The following AK7 variants were observed in gnomAD, a reference collection of about 807,000 sequenced individuals.
AK7 encodes adenylate kinase 7.
Under a neutral mutation model 96.6 loss-of-function variants are expected in AK7, and 78 were observed. The ratio of observed to expected loss-of-function variants is 0.81; its 90% CI spans 0.67 to 0.97. The LOEUF (loss-of-function observed/expected upper bound fraction) is 0.97, where lower values mean the gene tolerates loss of function less well. Among genes scored for constraint, AK7 ranks in the 50% least tolerant of loss-of-function variants. AK7 has a pLI of 0.00. For synonymous variants in AK7, 302 were observed against 317.2 expected (o/e 0.95, Z 0.51); for missense variants, 855 against 887.9 (o/e 0.96, Z 0.47).
At chr14:96,481,404 T>G (rs1895494476) in intron 15 of AK7, among the ~76,000 whole-genome samples, 1 of 152,220 alleles carries the variant, frequency 6.6e-6, no homozygotes, top group South Asian at 2.1e-4. Flanking sequence ...TGAAGTGCAG[T>G]GGCGCAATCT....
At chr14:96,487,479 G>A (rs1895842321) in intron 17 of AK7, among the ~76,000 whole-genome samples, 2 of 144,932 alleles carry the variant, frequency 1.4e-5, no homozygotes, top group South Asian at 4.5e-4. Context: ...GTCCAGGCTG[G>A]AGTGCAGTGG....
chr14:96,415,328 A>G (rs943577699), intron 4 of AK7, among the ~76,000 whole-genome samples: 1 of 152,082 alleles, frequency 6.6e-6, no homozygotes, highest in African/African-American at 2.4e-5. Flanking sequence ...TTTGAAAAGA[A>G]AAGAAAAAAG....
At chr14:96,444,087 A>C (rs1365989241) in intron 7 of AK7, among the ~76,000 whole-genome samples, 3 of 151,956 alleles carry the variant, frequency 2.0e-5, no homozygotes, top group Non-Finnish European at 4.4e-5. Flanking sequence ...AAAACTCATA[A>C]TGTTTTAAGA....
rs1893483651 is a variant in AK7 at position 96,449,870 on chromosome 14, G to A, written c.939G>A (p.Lys313=). 2 of 1,603,552 alleles carry A rather than the reference G, an allele frequency of 1.2e-6. No homozygotes were observed. Among genetic ancestry groups the A allele is most frequent in the Non-Finnish European group, 1.7e-6 (2 of 1,174,698 alleles). Residue 313 remains lysine (K), a synonymous_variant, in exon 9 of 18, where the codon AAG becomes AAA. Coordinates refer to ENST00000267584, the MANE Select transcript of AK7 (RefSeq NM_152327.5). ...CCAGAGAAAATGCATACCTAACCAAGGACTTAACGGTTAGTATATGCGGTG... is the reference window on the plus strand; with the variant it reads ...CCAGAGAAAATGCATACCTAACCAAAGACTTAACGGTTAGTATATGCGGTG... ...KIPRENAYLT[K]DLTQDCLDHL... is the part of the protein sequence containing the mutation.
At chr14:96,393,116 G>A (rs1039354669) in intron 1 of AK7, among the ~76,000 whole-genome samples, 3 of 152,080 alleles carry the variant, frequency 2.0e-5, no homozygotes, top group African/African-American at 4.8e-5. Flanking sequence ...TTTATCCCTG[G>A]AAAATGAAGA....
At chr14:96,400,222 T>C (rs573524962) in intron 2 of AK7, among the ~76,000 whole-genome samples, 7 of 151,946 alleles carry the variant, frequency 4.6e-5, no homozygotes, top group Non-Finnish European at 7.4e-5. Context: ...GTATCTTTAG[T>C]GGATACATGG....
Position 96,392,186 on chromosome 14 carries a change from C to T in AK7, c.32C>T (p.Thr11Met). MAEEEETAAL[T>M]EKVIRTQRVF... ...GAAGAAGAGGAAACTGCTGCTCTCA[C>T]GGAGAAGGTTATCCGGACCCAGAGG... The change falls in exon 1 of 18, where the codon ACG becomes ATG. Residue 11 changes from threonine (T) to methionine (M), a missense_variant. Thr to Met is a moderately conservative substitution (Grantham distance 81). Transcript: ENST00000267584. The T allele has an allele frequency of 1.2e-6, 2 of 1,613,656 alleles. No homozygotes were observed. The highest frequency in any genetic ancestry group is 1.7e-6 in the Non-Finnish European group (2 of 1,179,586).
intron 1 of AK7, among the ~76,000 whole-genome samples, chr14:96,396,700 G>T (rs985851521): frequency 6.6e-6 from 1 of 152,138 alleles, no homozygotes; most frequent in African/African-American, 2.4e-5. Context: ...TAAAATGATT[G>T]TTGACATATA....
chr14:96,459,545 GT>G (rs1393549276), intron 12 of AK7, among the ~76,000 whole-genome samples: 2 of 151,986 alleles, frequency 1.3e-5, no homozygotes, highest in Non-Finnish European at 2.9e-5. Context: ...TGATAAGAGA[GT>G]TATGAAATCC....
intron 15 of AK7, among the ~76,000 whole-genome samples, chr14:96,479,610 G>A (rs142427979): frequency 6.6e-6 from 1 of 152,154 alleles, no homozygotes; most frequent in African/African-American, 2.4e-5. Context: ...ACAGCTCTGA[G>A]CTTAGCACAC....
chr14:96,428,651 C>T (rs1384226984), intron 5 of AK7, among the ~76,000 whole-genome samples: 1 of 152,170 alleles, frequency 6.6e-6, no homozygotes, highest in Non-Finnish European at 1.5e-5. Flanking sequence ...TAATGATTGC[C>T]ATTCTAACTG....
At chr14:96,392,757 G>C (rs1178924332) in intron 1 of AK7, among the ~76,000 whole-genome samples, 2 of 152,028 alleles carry the variant, frequency 1.3e-5, no homozygotes, top group African/African-American at 4.8e-5. Context: ...TCCGCCTCCC[G>C]GGTTCACGCC....
rs201201979 is a variant in AK7, at chr14:96,478,477, C to T, written c.1568C>T (p.Ala523Val). ...DKLIIPEFVC[A>V]LDASDEFLKE... The stretch of plus-strand genomic sequence containing the variant: ...TCCTTCTCCCCAGAATTCGTTTGTG[C>T]ACTGGATGCTTCGGATGAGTTTCTG... The change falls in exon 15 of 18, where the codon GCA becomes GTA. Residue 523 changes from alanine (A) to valine (V), a missense_variant. Physicochemically the swap from Ala to Val is moderately conservative, Grantham distance 64. Coordinates refer to ENST00000267584, the MANE Select transcript of AK7 (RefSeq NM_152327.5). 1 of 1,614,130 alleles carries T rather than the reference C, an allele frequency of 6.2e-7. No homozygotes were observed. The highest frequency in any genetic ancestry group is 1.7e-5 in the Admixed American group (1 of 60,010).
At chr14:96,398,386 T>G in intron 2 of AK7, 123 bp downstream of exon 2, 1 of 1,012,758 alleles carries the variant, frequency 9.9e-7, no homozygotes, top group Non-Finnish European at 1.5e-6. Context: ...ATGGCCAGGT[T>G]GAGGGAATGG....
chr14:96,474,464 A>T (rs1054542004), intron 14 of AK7, among the ~76,000 whole-genome samples: 5 of 151,368 alleles, frequency 3.3e-5, no homozygotes, highest in African/African-American at 9.7e-5. Flanking sequence ...AAAAAAAAAA[A>T]AAATCAAAAA....
intron 6 of AK7, 36 bp downstream of exon 6, chr14:96,437,951 G>T (rs150396858): frequency 6.3e-7 from 1 of 1,580,900 alleles, no homozygotes; most frequent in Admixed American, 1.7e-5. Flanking sequence ...ATGTTTAAAA[G>T]TGTCTTACGA....
chr14:96,445,141 C>T (rs1230571820), intron 7 of AK7, among the ~76,000 whole-genome samples: 1 of 152,228 alleles, frequency 6.6e-6, no homozygotes, highest in Admixed American at 6.5e-5. Context: ...TATCAAACTA[C>T]CCGCCTCTGC....
intron 5 of AK7, among the ~76,000 whole-genome samples, chr14:96,436,071 G>A (rs1481626751): frequency 2.6e-5 from 4 of 152,140 alleles, no homozygotes; most frequent in East Asian, 3.9e-4. Flanking sequence ...TTTCCATCCC[G>A]CCATCTTGCC....
rs117167540 is a variant in AK7, at chr14:96,437,517, A to G, written c.610-318A>G. 1.6e-3 allele frequency among the ~76,000 whole-genome samples: 249 copies of G among 152,220 alleles called. 4 individuals are homozygous for G. The highest frequency in any genetic ancestry group is 5.2e-3 in the East Asian group (27 of 5,184). ...ACTAGATCATTAAAGATCCTCGTGG[A>G]AAGACCTGTTTTTCTTTCTCTTTTC... is the stretch of plus-strand genomic sequence containing the variant. On this transcript the variant is annotated intron_variant, in intron 5 of 17. Transcript: ENST00000267584.
Sources: gnomAD v4.1 joint callset for allele counts (sites outside exome capture counted in the v4.1 genomes callset) on GRCh38, gnomAD v4.1.1 for gene constraint, MANE v1.5 for transcripts, NCBI Gene and HGNC (gene_info 2026-07-23, HGNC 2026-07-21) for gene names.